Variants in MRAS observed in about 807,000 individuals in gnomAD.
MRAS encodes the protein ras-related protein M-Ras.
A neutral mutation model predicts 20.9 loss-of-function variants in MRAS; 4 were observed. That is an observed-to-expected ratio of 0.19 (90% confidence interval 0.09 to 0.44). MRAS has a LOEUF of 0.44. MRAS is among the 20% of genes least tolerant of loss of function. The pLI, the probability that MRAS is intolerant of heterozygous loss-of-function variation, is 0.99. For missense variants in MRAS, 154 were observed against 277.5 expected (o/e 0.56, Z 3.16); for synonymous variants, 98 against 102.9 (o/e 0.95, Z 0.29).
chr3:138,395,327 G>A (rs373492176), intron 2 of MRAS, among the ~76,000 whole-genome samples: 3 of 152,200 alleles, frequency 2.0e-5, no homozygotes, highest in South Asian at 2.1e-4. Flanking sequence ...ATGAGCCACC[G>A]CGCCTGGCCA....
At chr3:138,353,307 A>G (rs542294229) in intron 1 of MRAS, among the ~76,000 whole-genome samples, 134 of 152,316 alleles carry the variant, frequency 8.8e-4, no homozygotes, top group African/African-American at 3.1e-3. Context: ...TAAGCTAGTT[A>G]TAGTACAATA....
chr3:138,376,219 C>G (rs2054780690), intron 2 of MRAS, among the ~76,000 whole-genome samples: 1 of 152,184 alleles, frequency 6.6e-6, no homozygotes, highest in Non-Finnish European at 1.5e-5. Context: ...AACATTGTTC[C>G]TGCAGAAACA....
Position 138,375,623 on chromosome 3 carries a change from C to A in MRAS, c.193+2547C>A, listed in dbSNP as rs532036864. ...CTTCTGGGCTGAAGCAGTCCTCCCA[C>A]ATATTTTGTCTGTCTGTTGGTTGTT... is the stretch of plus-strand genomic sequence containing the variant. On this transcript the variant is annotated intron_variant, in intron 2 of 5. Coordinates refer to ENST00000423968, the MANE Select transcript of MRAS (RefSeq NM_001085049.3). 7.2e-5 allele frequency among the ~76,000 whole-genome samples: 11 copies of A among 152,328 alleles called. No individual in the cohort carries two copies. The East Asian group carries it at 2.1e-3, about 29-fold the overall frequency.
Position 138,369,760 on chromosome 3 carries a change from G to C in MRAS, c.-18-3106G>C, listed in dbSNP as rs1198053435. Among the ~76,000 whole-genome samples, 4 of 152,260 alleles carry C rather than the reference G, an allele frequency of 2.6e-5. No homozygotes were observed. In the East Asian group the frequency reaches 7.7e-4, roughly 29 times the overall value. ...TGAGAGCAGGGTGCTGTCAAAAGGA[G>C]GGGGCCCCCACTGGCCATTTCCTGC... On this transcript the variant is annotated intron_variant, in intron 1 of 5. Transcript: ENST00000423968.
At chr3:138,362,303 GC>G (rs1338181352) in intron 1 of MRAS, among the ~76,000 whole-genome samples, 1 of 152,176 alleles carries the variant, frequency 6.6e-6, no homozygotes, top group African/African-American at 2.4e-5. Flanking sequence ...AGGCCTGGGT[GC>G]TGAATCCCAG....
intron 2 of MRAS, among the ~76,000 whole-genome samples, chr3:138,396,170 G>C (rs745548579): frequency 5.9e-5 from 9 of 152,222 alleles, no homozygotes; most frequent in Non-Finnish European, 1.0e-4. Flanking sequence ...GAAGACCCCA[G>C]TGAGGATGGC....
At chr3:138,393,293 G>A (rs1248727878) in intron 2 of MRAS, among the ~76,000 whole-genome samples, 2 of 152,108 alleles carry the variant, frequency 1.3e-5, no homozygotes, top group Admixed American at 6.5e-5. Context: ...TCAAACTCCC[G>A]GCCTAAAACT....
chr3:138,373,210 G>A (rs1422621080), intron 2 of MRAS, 134 bp downstream of exon 2: 3 of 864,864 alleles, frequency 3.5e-6, no homozygotes, highest in Middle Eastern at 3.8e-4. Flanking sequence ...AAAGCCGTGT[G>A]TCGTTTTCAG....
intron 1 of MRAS, among the ~76,000 whole-genome samples, chr3:138,366,006 G>A (rs898804880): frequency 6.6e-6 from 1 of 152,210 alleles, no homozygotes; most frequent in Non-Finnish European, 1.5e-5. Context: ...CAATGACAGT[G>A]CCACACTTGG....
chr3:138,378,891 A>G (rs2054841128), intron 2 of MRAS, among the ~76,000 whole-genome samples: 1 of 151,932 alleles, frequency 6.6e-6, no homozygotes. Flanking sequence ...CCCTCTCCTC[A>G]GTCCCTGGCA....
At position 138,382,704 on chromosome 3, in the gene MRAS, A is replaced by G. The variant is rs549399480; in HGVS notation, c.193+9628A>G. Among the ~76,000 whole-genome samples, 9 of 152,290 alleles carry G rather than the reference A, an allele frequency of 5.9e-5. No individual in the cohort carries two copies. The East Asian group carries it at 7.7e-4, about 13-fold the overall frequency. On this transcript the variant is annotated intron_variant, in intron 2 of 5. Transcript: ENST00000423968. ...GTGAGTGGAATATGCAACTCCCTAC[A>G]CCCAACTCTTAGCACAGCCTGGGCT... is the stretch of plus-strand genomic sequence containing the variant.
At chr3:138,388,632 G>A (rs1211487301) in intron 2 of MRAS, among the ~76,000 whole-genome samples, 2 of 152,136 alleles carry the variant, frequency 1.3e-5, no homozygotes, top group Non-Finnish European at 2.9e-5. Flanking sequence ...CCAGCAGGCA[G>A]AGGTTGCAGT....
chr3:138,380,507 T>TGC (rs2108532269), intron 2 of MRAS, among the ~76,000 whole-genome samples: 2 of 38,846 alleles, frequency 5.1e-5, no homozygotes, highest in East Asian at 7.9e-3. Flanking sequence ...GGGATGGGGT[T>TGC]TCCGTGTTGG....
chr3:138,370,917 C>CT (rs536284259), intron 1 of MRAS, among the ~76,000 whole-genome samples: 5 of 152,120 alleles, frequency 3.3e-5, no homozygotes, highest in Non-Finnish European at 5.9e-5. Context: ...TGCAGCCTGT[C>CT]TTTTTTTCAT....
At chr3:138,354,868 A>C (rs190497164) in intron 1 of MRAS, among the ~76,000 whole-genome samples, 1 of 152,056 alleles carries the variant, frequency 6.6e-6, no homozygotes, top group African/African-American at 2.4e-5. Flanking sequence ...ACAGCCTCGA[A>C]CTCCTGGGCT....
intron 1 of MRAS, among the ~76,000 whole-genome samples, chr3:138,364,791 G>A: frequency 6.6e-6 from 1 of 152,248 alleles, no homozygotes; most frequent in Non-Finnish European, 1.5e-5. Flanking sequence ...GGGGTGGGAA[G>A]TGTTTATTTT....
intron 1 of MRAS, among the ~76,000 whole-genome samples, chr3:138,363,863 T>G (rs799328): frequency 0.86 from 119,720 of 139,708 alleles, 51,399 homozygotes; most frequent in East Asian, 0.97. Flanking sequence ...AGGGTGGCTA[T>G]GTTTTGTGAT....
chr3:138,362,704 C>T (rs1241265371), intron 1 of MRAS, among the ~76,000 whole-genome samples: 3 of 152,170 alleles, frequency 2.0e-5, no homozygotes, highest in Non-Finnish European at 4.4e-5. Context: ...TCACACCCAA[C>T]GCTCTCCCCT....
At chr3:138,367,163 TA>T (rs1366477972) in intron 1 of MRAS, among the ~76,000 whole-genome samples, 1 of 152,116 alleles carries the variant, frequency 6.6e-6, no homozygotes, top group Non-Finnish European at 1.5e-5. Context: ...GGAAATGGTT[TA>T]AATCACCGAA....
Sources: allele counts gnomAD v4.1 joint callset (sites outside exome capture counted in the v4.1 genomes callset), GRCh38; gene constraint gnomAD v4.1.1; transcripts MANE v1.5; gene names NCBI Gene and HGNC (gene_info 2026-07-23, HGNC 2026-07-21).